MTRF1: variants seen among roughly 807,000 people sequenced by gnomAD.
MTRF1 encodes peptide chain release factor 1, mitochondrial.
Under a neutral mutation model 62.9 loss-of-function variants are expected in MTRF1, and 51 were observed. The observed-to-expected ratio is 0.81, with a 90% CI of 0.65 to 1.02. The LOEUF is 1.02. Among genes scored for constraint, MTRF1 ranks in the 50% least tolerant of loss-of-function variants. The pLI, the probability that MTRF1 is intolerant of heterozygous loss-of-function variation, is 0.00. For synonymous variants in MTRF1, 158 were observed against 181.9 expected, an observed-to-expected ratio of 0.87 and a Z score of 1.06; for missense variants, 446 against 530.0, an observed-to-expected ratio of 0.84 and a Z score of 1.56.
intron 5 of MTRF1, among the ~76,000 whole-genome samples, chr13:41,247,024 GAA>G (rs903117841): frequency 6.6e-6 from 1 of 152,224 alleles, no homozygotes; most frequent in Admixed American, 6.5e-5. Context: ...CATTCACACT[GAA>G]GAGTATATGA....
chr13:41,265,853 T>TG (rs1377907345), upstream of MTRF1, among the ~76,000 whole-genome samples: 1 of 152,094 alleles, frequency 6.6e-6, no homozygotes, highest in Non-Finnish European at 1.5e-5. Context: ...TTTGTTTTTT[T>TG]GTTTTTTTGT....
chr13:41,311,681 C>T, the MTRF1 span: 12 of 1,086,662 alleles, frequency 1.1e-5, 1 homozygote, highest in South Asian at 1.4e-4. Flanking sequence ...CAGGCTTGGC[C>T]TCCGCTGCCC....
intron 9 of MTRF1, among the ~76,000 whole-genome samples, chr13:41,222,420 T>C (rs1488430094): frequency 6.6e-6 from 1 of 152,170 alleles, no homozygotes; most frequent in African/African-American, 2.4e-5. Flanking sequence ...AATTCTAAGA[T>C]GCCCCCTGGT....
intron 5 of MTRF1, among the ~76,000 whole-genome samples, chr13:41,252,071 G>A (rs1170617073): frequency 6.6e-6 from 1 of 152,030 alleles, no homozygotes; most frequent in African/African-American, 2.4e-5. Context: ...GTACAGTCAG[G>A]GTTTTGCCAT....
intron 5 of MTRF1, among the ~76,000 whole-genome samples, chr13:41,247,798 A>C (rs1309453406): frequency 1.3e-5 from 2 of 152,160 alleles, no homozygotes; most frequent in South Asian, 4.2e-4. Flanking sequence ...CCAATTTTGC[A>C]TTCTGGAACT....
chr13:41,299,188 A>G, the MTRF1 span, among the ~76,000 whole-genome samples: 1 of 151,348 alleles, frequency 6.6e-6, no homozygotes, highest in African/African-American at 2.4e-5. Flanking sequence ...GTGAGACTCT[A>G]TCTAAAAAAG....
intron 7 of MTRF1, 33 bp downstream of exon 7, chr13:41,233,848 TGGAAAAAGG>T (rs2036013869): frequency 6.8e-7 from 1 of 1,465,576 alleles, no homozygotes; most frequent in African/African-American, 1.4e-5. Context: ...CTGAGTAAGA[TGGAAAAAGG>T]GTTAAAAGTA....
chr13:41,266,127 A>G (rs7321032), upstream of MTRF1, among the ~76,000 whole-genome samples: 137,102 of 152,004 alleles, frequency 0.9, 62,146 homozygotes, highest in Non-Finnish European at 0.94. Flanking sequence ...GATTACAGGC[A>G]TGAGCCACCA....
In MTRF1 at chr13:41,232,732, AG is replaced by A. The variant is rs1316877360; in HGVS notation, c.988+1157del. On this transcript the variant is annotated intron_variant, in intron 7 of 9. Transcript: ENST00000379480. ...GGATCCAACACAGAACAGAGATGAA[AG>A]GAACTCCCCAACTGCTGATGACCAG... 3.9e-5 allele frequency among the ~76,000 whole-genome samples: 6 copies of A among 152,292 alleles called. No homozygotes were observed. The East Asian group carries it at 1.2e-3, about 29-fold the overall frequency.
At chr13:41,245,363 C>A (rs2038107225) in intron 5 of MTRF1, among the ~76,000 whole-genome samples, 1 of 152,094 alleles carries the variant, frequency 6.6e-6, no homozygotes, top group Admixed American at 6.6e-5. Flanking sequence ...ACCTCAGCCA[C>A]TGGAGCAGCT....
the MTRF1 span, chr13:41,311,350 C>G: frequency 4.9e-6 from 3 of 611,956 alleles, no homozygotes; most frequent in East Asian, 8.9e-5. Flanking sequence ...CGCCTTCCTT[C>G]TCCATTGCCA....
At chr13:41,311,726 C>CG in the MTRF1 span, 1 of 748,620 alleles carries the variant, frequency 1.3e-6, no homozygotes, top group Non-Finnish European at 2.1e-6. Context: ...TCGCGGGACC[C>CG]CACTTTCCCG....
At chr13:41,238,700 A>G (rs1043182869) in intron 6 of MTRF1, among the ~76,000 whole-genome samples, 3 of 152,180 alleles carry the variant, frequency 2.0e-5, no homozygotes, top group Non-Finnish European at 4.4e-5. Flanking sequence ...GCAAAGGGAG[A>G]AATATACTTT....
chr13:41,223,272 T>G lies in MTRF1; in HGVS notation c.1208A>C (p.Glu403Ala). Residue 403 changes from glutamate to alanine, a missense_variant, in exon 9 of 10, where the codon GAA becomes GCA. By Grantham distance (107) the Glu-to-Ala change is moderately radical. Transcript: ENST00000379480. ...DRVSDHRIAY[E>A]VRDIKEFLCG... is the part of the protein sequence containing the mutation. ...TAGTATTACCTTAATATCACGAACT[T>G]CATATGCTATCCTGTGGTCACTGAC... The G allele has an allele frequency of 6.2e-7, 1 of 1,613,076 alleles. No individual in the cohort carries two copies. The highest frequency in any genetic ancestry group is 8.5e-7 in the Non-Finnish European group (1 of 1,179,208).
chr13:41,304,316 G>A, the MTRF1 span, among the ~76,000 whole-genome samples: 26 of 152,212 alleles, frequency 1.7e-4, 1 homozygote, highest in East Asian at 4.8e-3. Flanking sequence ...CAGATTGGAG[G>A]GCAGTGGCTA....
chr13:41,289,052 T>C, the MTRF1 span, among the ~76,000 whole-genome samples: 2 of 152,114 alleles, frequency 1.3e-5, no homozygotes. Flanking sequence ...TTGACCATTC[T>C]ATGGTCATTT....
chr13:41,305,764 T>G, the MTRF1 span, among the ~76,000 whole-genome samples: 1 of 152,220 alleles, frequency 6.6e-6, no homozygotes, highest in Non-Finnish European at 1.5e-5. Context: ...CAATTGTCAT[T>G]ATCACCTCCC....
At chr13:41,263,833 G>A (rs540797059), upstream of MTRF1, among the ~76,000 whole-genome samples, 23 of 152,238 alleles carry the variant, frequency 1.5e-4, no homozygotes, top group African/African-American at 4.1e-4. Context: ...AGGGGCCAAG[G>A]TGGGACTAAA....
chr13:41,225,220 A>AG (rs1295335229), intron 8 of MTRF1, among the ~76,000 whole-genome samples: 2 of 151,696 alleles, frequency 1.3e-5, no homozygotes, highest in East Asian at 1.9e-4. Context: ...AAAAAAAAAA[A>AG]AAAAAAAACT....
Sources: gnomAD v4.1 joint callset for allele counts (sites outside exome capture counted in the v4.1 genomes callset) on GRCh38, gnomAD v4.1.1 for gene constraint, MANE v1.5 for transcripts, NCBI Gene and HGNC (gene_info 2026-07-23, HGNC 2026-07-21) for gene names.